Variants in MAST4 observed in about 807,000 individuals in gnomAD.
MAST4 encodes the protein microtubule associated serine/threonine kinase family member 4.
A neutral mutation model predicts 162.7 loss-of-function variants in MAST4; 89 were observed. The ratio of observed to expected loss-of-function variants is 0.55; its 90% CI spans 0.46 to 0.65. MAST4 has a LOEUF of 0.65. Ranked by LOEUF, MAST4 falls within the 30% of genes least tolerant of loss-of-function variation. MAST4 has a pLI of 0.00. For synonymous variants in MAST4, 1,479 were observed against 1,361.1 expected, an observed-to-expected ratio of 1.09 and a Z score of -1.91; for missense variants, 3,153 against 3,374.0, an observed-to-expected ratio of 0.93 and a Z score of 1.62.
At chr5:67,154,061 AAAG>A (rs1244184935) in intron 26 of MAST4, among the ~76,000 whole-genome samples, 13 of 152,372 alleles carry the variant, frequency 8.5e-5, no homozygotes, top group Admixed American at 4.6e-4. Context: ...AGTGGTACTG[AAAG>A]AAGAAGTTCT....
chr5:66,830,669 C>G (rs1757537734), intron 3 of MAST4, among the ~76,000 whole-genome samples: 1 of 152,126 alleles, frequency 6.6e-6, no homozygotes, highest in Non-Finnish European at 1.5e-5. Flanking sequence ...ACCTATTTTG[C>G]TTTTACTCCC....
chr5:67,121,531 A>T (rs1294415174), intron 14 of MAST4, among the ~76,000 whole-genome samples: 1 of 151,864 alleles, frequency 6.6e-6, no homozygotes, highest in Non-Finnish European at 1.5e-5. Context: ...CCAGCAGACA[A>T]CCTTAAGATA....
intron 1 of MAST4, among the ~76,000 whole-genome samples, chr5:66,723,242 T>C (rs557906119): frequency 6.6e-6 from 1 of 152,308 alleles, no homozygotes; most frequent in South Asian, 2.1e-4. Flanking sequence ...GTCCAGAATG[T>C]TAGTTGACCA....
rs1189521587 is a variant in MAST4 at position 67,121,011 on chromosome 5, T to A, written c.1660-6T>A. 6.2e-7 allele frequency: 1 copy of A among 1,601,856 alleles called. No individual in the cohort carries two copies. Among genetic ancestry groups the A allele is most frequent in the South Asian group, 1.1e-5 (1 of 88,334 alleles). ...TACTTTTTAACTTCCATATTTTGTTTCCAAGAGCTCTAATGCCTCCCTGAA... is the reference window on the plus strand; with the variant it reads ...TACTTTTTAACTTCCATATTTTGTTACCAAGAGCTCTAATGCCTCCCTGAA... On this transcript the variant is annotated splice_region_variant and splice_polypyrimidine_tract_variant and intron_variant, in intron 13 of 28. Transcript: ENST00000403625.
chr5:66,746,197 C>G (rs1752749102), intron 1 of MAST4, among the ~76,000 whole-genome samples: 1 of 152,192 alleles, frequency 6.6e-6, no homozygotes, highest in African/African-American at 2.4e-5. Context: ...ACCCTAGAAA[C>G]TACTTGGGTA....
intron 26 of MAST4, among the ~76,000 whole-genome samples, chr5:67,159,868 G>A (rs964931175): frequency 6.6e-6 from 1 of 152,120 alleles, no homozygotes; most frequent in African/African-American, 2.4e-5. Context: ...AAACTGATAG[G>A]TTTTATGGTG....
chr5:66,821,391 G>GAAA (rs1756988147), intron 3 of MAST4, among the ~76,000 whole-genome samples: 2 of 152,174 alleles, frequency 1.3e-5, no homozygotes, highest in Non-Finnish European at 2.9e-5. Flanking sequence ...TATAGGGAAA[G>GAAA]AAAATCTGTG....
chr5:66,907,298 G>A lies in MAST4; in HGVS notation c.674+7316G>A, dbSNP rs530770834. Among the ~76,000 whole-genome samples the A allele has an allele frequency of 9.8e-4, 147 of 149,864 alleles. 4 individuals carry two copies. The South Asian group carries it at 0.03, about 30-fold the overall frequency. On this transcript the variant is annotated intron_variant, in intron 4 of 28. Coordinates refer to ENST00000403625, the MANE Select transcript of MAST4 (RefSeq NM_001164664.2). ...CAGGCTTCTCCCCATTGCAAAGGGT[G>A]CAAACTTCCCGAGGCTTTACCTCAT...
rs16896331 is a variant in MAST4, at chr5:67,163,715, C to T, written c.4536C>T (p.Arg1512=). 1.4e-3 allele frequency: 2,287 copies of T among 1,608,670 alleles called. 32 individuals carry two copies. The African/African-American group carries it at 0.028, about 20-fold the overall frequency. Residue 1512 remains arginine, a synonymous_variant, in exon 29 of 29, where the codon CGC becomes CGT. Transcript: ENST00000403625. The surrounding 1 kb of genome is among the most constrained non-coding windows in gnomAD (Gnocchi z 7.0). ...ARPVEQGCLK[R]PVSRKVGRQE... ...CAGTGGAGCAAGGCTGCCTGAAACG[C>T]CCAGTCTCCCGGAAGGTGGGCCGCC...
intron 1 of MAST4, among the ~76,000 whole-genome samples, chr5:66,634,183 C>T (rs1183003017): frequency 1.3e-5 from 2 of 152,166 alleles, no homozygotes; most frequent in Non-Finnish European, 1.5e-5. Flanking sequence ...CCCCAGCCTC[C>T]TGAGTTGCTG....
intron 1 of MAST4, among the ~76,000 whole-genome samples, chr5:66,737,210 G>A (rs1372386349): frequency 6.6e-6 from 1 of 152,130 alleles, no homozygotes; most frequent in Non-Finnish European, 1.5e-5. Context: ...GTTTGACTGG[G>A]GCTGCAGGAT....
chr5:66,967,398 A>C (rs1428581583), intron 4 of MAST4, among the ~76,000 whole-genome samples: 3 of 152,228 alleles, frequency 2.0e-5, no homozygotes, highest in African/African-American at 7.2e-5. Flanking sequence ...TGCAGCTTCC[A>C]GGACAGCTCA....
intron 3 of MAST4, among the ~76,000 whole-genome samples, chr5:66,813,414 TGAAAG>T (rs1756568412): frequency 1.3e-5 from 2 of 152,052 alleles, no homozygotes; most frequent in Admixed American, 6.5e-5. Flanking sequence ...CTAAGACAAA[TGAAAG>T]GAAACAGTTT....
At chr5:66,765,445 ATAAT>A (rs1379307458) in intron 2 of MAST4, among the ~76,000 whole-genome samples, 1 of 152,154 alleles carries the variant, frequency 6.6e-6, no homozygotes, top group Admixed American at 6.6e-5. Flanking sequence ...TATTCTATAA[ATAAT>A]TGCTGTACTG....
At chr5:66,732,184 C>T (rs963486075) in intron 1 of MAST4, among the ~76,000 whole-genome samples, 3 of 152,076 alleles carry the variant, frequency 2.0e-5, no homozygotes, top group African/African-American at 7.2e-5. Flanking sequence ...TTCCTATTGA[C>T]TTTCAGTTAC....
At chr5:66,941,600 G>GT (rs1743378690) in intron 4 of MAST4, among the ~76,000 whole-genome samples, 1 of 152,118 alleles carries the variant, frequency 6.6e-6, no homozygotes, top group Non-Finnish European at 1.5e-5. Context: ...CAAGAAGGCT[G>GT]TTTCACTTTC....
At chr5:66,667,912 A>G (rs573563560) in intron 1 of MAST4, among the ~76,000 whole-genome samples, 2 of 152,348 alleles carry the variant, frequency 1.3e-5, no homozygotes, top group Admixed American at 6.5e-5. Flanking sequence ...AGTATTTATC[A>G]ATAGTGAGCC....
At position 66,819,720 on chromosome 5, in the gene MAST4, G is replaced by C. The variant is rs181101328; in HGVS notation, c.642+30926G>C. Among the ~76,000 whole-genome samples, 3 of 149,144 alleles carry C rather than the reference G, an allele frequency of 2.0e-5. No individual in the cohort carries two copies. In the East Asian group the frequency reaches 5.8e-4, roughly 29 times the overall value. On this transcript the variant is annotated intron_variant, in intron 3 of 28. Transcript: ENST00000403625. ...CATTTTTTGTTTTTTTGGGGGGGAAGTTTGGCTAGGCAACAGTGCATTTAA... is the reference window on the plus strand; with the variant it reads ...CATTTTTTGTTTTTTTGGGGGGGAACTTTGGCTAGGCAACAGTGCATTTAA...
At chr5:66,772,768 T>G (rs193165568) in intron 2 of MAST4, among the ~76,000 whole-genome samples, 3 of 152,324 alleles carry the variant, frequency 2.0e-5, no homozygotes, top group African/African-American at 7.2e-5. Context: ...CTAAGTAGCC[T>G]TCATTGCTGG....
Sources: gnomAD v4.1 joint callset for allele counts (sites outside exome capture counted in the v4.1 genomes callset) on GRCh38, gnomAD v4.1.1 for gene constraint, Gnocchi (gnomAD v3.1) non-coding constraint, MANE v1.5 for transcripts, NCBI Gene and HGNC (gene_info 2026-07-23, HGNC 2026-07-21) for gene names.